Variants in TRAPPC10 observed in about 807,000 individuals in gnomAD.
The protein encoded by TRAPPC10 is TRAPP 130 kDa subunit.
In TRAPPC10, 23 loss-of-function variants were observed where a neutral mutation model predicts 125.5. The ratio of observed to expected loss-of-function variants is 0.18; its 90% CI spans 0.13 to 0.26. The LOEUF (loss-of-function observed/expected upper bound fraction) is 0.26, where lower values mean the gene tolerates loss of function less well. Among genes scored for constraint, TRAPPC10 ranks in the 10% least tolerant of loss-of-function variants. The pLI is 1.00. For synonymous variants in TRAPPC10, 509 were observed against 518.0 expected, an observed-to-expected ratio of 0.98 and a Z score of 0.24; for missense variants, 1,123 against 1,308.4, an observed-to-expected ratio of 0.86 and a Z score of 2.19.
At chr21:44,057,137 AG>A (rs1002582967) in intron 5 of TRAPPC10, among the ~76,000 whole-genome samples, 2 of 152,134 alleles carry the variant, frequency 1.3e-5, no homozygotes, top group African/African-American at 4.8e-5. Flanking sequence ...GTTCAGAGAC[AG>A]AAGGTGGAAT....
chr21:44,076,670 T>C (rs1347125251), intron 10 of TRAPPC10, 42 bp downstream of exon 10: 5 of 1,526,060 alleles, frequency 3.3e-6, no homozygotes, highest in Non-Finnish European at 4.5e-6. Flanking sequence ...TGTGAATACC[T>C]GTCTCTAGAA....
chr21:44,092,074 T>A, intron 19 of TRAPPC10, 25 bp downstream of exon 19: 1 of 1,611,890 alleles, frequency 6.2e-7, no homozygotes, highest in Non-Finnish European at 8.5e-7. Flanking sequence ...GACCTGAGCA[T>A]AAACTTCTCA....
chr21:44,048,337 A>C (rs1282707868), intron 3 of TRAPPC10, among the ~76,000 whole-genome samples: 2 of 150,504 alleles, frequency 1.3e-5, no homozygotes, highest in Non-Finnish European at 3.0e-5. Context: ...TGCCCTCCCC[A>C]CCCTCTGGTG....
At chr21:44,083,537 T>A (rs993726474) in intron 14 of TRAPPC10, among the ~76,000 whole-genome samples, 2 of 152,234 alleles carry the variant, frequency 1.3e-5, no homozygotes, top group Non-Finnish European at 2.9e-5. Context: ...GTTCTTAGAT[T>A]AAGTTAGCTT....
chr21:44,067,020 T>TC lies in TRAPPC10; in HGVS notation c.1038+3235_1038+3236insC, dbSNP rs1220544681. On this transcript the variant is annotated intron_variant, in intron 7 of 22. Coordinates refer to ENST00000291574, the MANE Select transcript of TRAPPC10 (RefSeq NM_003274.5). ...TTGTTACAATGATTGCCCAAGTGAT[T>TC]TTTTGGGGGGGTTTGGAATGTGTTT... Among the ~76,000 whole-genome samples the TC allele has an allele frequency of 2.9e-4, 44 of 152,238 alleles. No individual in the cohort carries two copies. The East Asian group carries it at 8.3e-3, about 29-fold the overall frequency.
At chr21:44,093,923 T>G (rs1458745521) in intron 19 of TRAPPC10, 140 bp from the exon 20 acceptor site, 1 of 795,780 alleles carries the variant, frequency 1.3e-6, no homozygotes, top group African/African-American at 1.7e-5. Flanking sequence ...TAAAGCAGCA[T>G]GCATAGGCGT....
At chr21:44,047,318 G>A (rs1178222714) in intron 3 of TRAPPC10, among the ~76,000 whole-genome samples, 1 of 152,094 alleles carries the variant, frequency 6.6e-6, no homozygotes, top group Non-Finnish European at 1.5e-5. Context: ...GTAGCTTGAA[G>A]TATAGGCGTG....
At chr21:44,038,070 G>C in intron 3 of TRAPPC10, 143 bp downstream of exon 3, 1 of 1,125,958 alleles carries the variant, frequency 8.9e-7, no homozygotes, top group Non-Finnish European at 1.3e-6. Context: ...GAGTACCAGT[G>C]GGGGAAGAGG....
intron 1 of TRAPPC10, among the ~76,000 whole-genome samples, chr21:44,018,858 A>G (rs2032177437): frequency 6.6e-6 from 1 of 152,074 alleles, no homozygotes; most frequent in East Asian, 1.9e-4. Context: ...TAACTGACTT[A>G]AGGATTTTTT....
At chr21:44,021,889 C>CT (rs748757898) in intron 1 of TRAPPC10, among the ~76,000 whole-genome samples, 3 of 152,186 alleles carry the variant, frequency 2.0e-5, no homozygotes, top group Non-Finnish European at 4.4e-5. Context: ...ACCTAATCTA[C>CT]TGACACCTTG....
intron 14 of TRAPPC10, 106 bp from the exon 15 acceptor site, chr21:44,084,016 T>C: frequency 7.5e-7 from 1 of 1,336,324 alleles, no homozygotes; most frequent in Middle Eastern, 1.9e-4. Flanking sequence ...GGGAAAGAAG[T>C]ACAGGCCTTT....
intron 1 of TRAPPC10, among the ~76,000 whole-genome samples, chr21:44,022,876 G>T (rs186970145): frequency 6.6e-6 from 1 of 151,836 alleles, no homozygotes; most frequent in Admixed American, 6.6e-5. Context: ...TGGATTTTTT[G>T]TCGGCAGGAC....
At chr21:44,083,419 G>A (rs1357882380) in intron 14 of TRAPPC10, 117 bp downstream of exon 14, 3 of 1,176,790 alleles carry the variant, frequency 2.5e-6, no homozygotes, top group Non-Finnish European at 3.6e-6. Flanking sequence ...TCCTAACCCT[G>A]TTTTTGTCTC....
chr21:44,039,013 C>G (rs1194395598), intron 3 of TRAPPC10, among the ~76,000 whole-genome samples: 1 of 152,236 alleles, frequency 6.6e-6, no homozygotes, highest in Non-Finnish European at 1.5e-5. Flanking sequence ...TGTCCCTGGC[C>G]TGCTGTGCCA....
intron 19 of TRAPPC10, 67 bp downstream of exon 19, chr21:44,092,116 G>T: frequency 6.3e-7 from 1 of 1,587,628 alleles, no homozygotes. Flanking sequence ...AAATGATGTA[G>T]TATGTGTTGC....
At chr21:44,025,828 G>GTGTT (rs1052673147) in intron 1 of TRAPPC10, among the ~76,000 whole-genome samples, 4 of 5,360 alleles carry the variant, frequency 7.5e-4, no homozygotes, top group Admixed American at 2.0e-3. Context: ...AGGGGTGTGT[G>GTGTT]TGTGTGTGTG....
intron 11 of TRAPPC10, 38 bp downstream of exon 11, chr21:44,077,822 A>C (rs544773627): frequency 6.9e-7 from 1 of 1,458,190 alleles, no homozygotes; most frequent in Admixed American, 1.7e-5. Flanking sequence ...TTCTAAACAT[A>C]CAAATAACAC....
At chr21:44,025,575 G>C (rs2032963716) in intron 1 of TRAPPC10, among the ~76,000 whole-genome samples, 1 of 152,140 alleles carries the variant, frequency 6.6e-6, no homozygotes, top group South Asian at 2.1e-4. Context: ...TTGTTTCCTT[G>C]ATTAGAAGAG....
At position 44,077,709 on chromosome 21, in the gene TRAPPC10, C is replaced by G; in HGVS notation, c.1394C>G (p.Thr465Ser). 1 of 1,603,574 alleles carries G rather than the reference C, an allele frequency of 6.2e-7. No individual in the cohort carries two copies. The stretch of plus-strand genomic sequence containing the variant: ...TCCCCACAGGATTTGTCCCATGCCA[C>G]CATTGAAATGTATACAAGCATTGGG... ...EKHYLDLSHA[T>S]IEMYTSIGRI... Residue 465 changes from threonine to serine, a missense_variant, in exon 11 of 23, where the codon ACC becomes AGC. Coordinates refer to ENST00000291574, the MANE Select transcript of TRAPPC10 (RefSeq NM_003274.5).
Sources: allele counts gnomAD v4.1 joint callset (sites outside exome capture counted in the v4.1 genomes callset), GRCh38; gene constraint gnomAD v4.1.1; transcripts MANE v1.5; gene names NCBI Gene and HGNC (gene_info 2026-07-23, HGNC 2026-07-21).